The following MOV10L1 variants were observed in gnomAD, a reference collection of about 807,000 sequenced individuals.
MOV10L1 encodes the protein RNA helicase Mov10l1.
Under a neutral mutation model 143.8 loss-of-function variants are expected in MOV10L1, and 110 were observed. That is an observed-to-expected ratio of 0.76 (90% CI 0.66 to 0.90). MOV10L1 has a LOEUF of 0.90. Among genes scored for constraint, MOV10L1 ranks in the 40% least tolerant of loss-of-function variants. The pLI is 0.00. For synonymous variants in MOV10L1, 593 were observed against 581.1 expected, an observed-to-expected ratio of 1.02 and a Z score of -0.29; for missense variants, 1,406 against 1,526.8, an observed-to-expected ratio of 0.92 and a Z score of 1.32.
chr22:50,128,037 G>T (rs1201274891), intron 12 of MOV10L1, among the ~76,000 whole-genome samples: 1 of 152,260 alleles, frequency 6.6e-6, no homozygotes, highest in South Asian at 2.1e-4. Context: ...CTCCCAAAGT[G>T]CTGGGATTAC....
At chr22:50,103,960 A>G (rs2061807709) in intron 3 of MOV10L1, among the ~76,000 whole-genome samples, 1 of 152,164 alleles carries the variant, frequency 6.6e-6, no homozygotes, top group South Asian at 2.1e-4. Flanking sequence ...TTATAAGGAA[A>G]TAATTATACA....
chr22:50,098,838 G>A (rs912024382), intron 2 of MOV10L1, among the ~76,000 whole-genome samples: 1 of 152,158 alleles, frequency 6.6e-6, no homozygotes, highest in Non-Finnish European at 1.5e-5. Flanking sequence ...GTGTTGAAGA[G>A]ATTTCCTGCG....
Position 50,128,048 on chromosome 22 carries a change from A to G in MOV10L1, c.1819-368A>G, listed in dbSNP as rs1366372328. 2.6e-5 allele frequency among the ~76,000 whole-genome samples: 4 copies of G among 152,294 alleles called. No homozygotes were observed. The East Asian group carries it at 5.8e-4, about 22-fold the overall frequency. On this transcript the variant is annotated intron_variant, in intron 12 of 26. Coordinates refer to ENST00000262794, the MANE Select transcript of MOV10L1 (RefSeq NM_018995.3). Reference sequence around the variant, plus strand: ...TGGCCTCCCAAAGTGCTGGGATTACAGGTGTGAGCCACCGCACCCAGCAGA... The same window carrying G: ...TGGCCTCCCAAAGTGCTGGGATTACGGGTGTGAGCCACCGCACCCAGCAGA...
At chr22:50,108,000 T>C in intron 3 of MOV10L1, 136 bp from the exon 4 acceptor site, 1 of 716,178 alleles carries the variant, frequency 1.4e-6, no homozygotes. Flanking sequence ...AAAATATGTT[T>C]CTCACAGTAG....
At chr22:50,108,892 C>A in intron 5 of MOV10L1, 48 bp downstream of exon 5, 1 of 1,581,854 alleles carries the variant, frequency 6.3e-7, no homozygotes. Flanking sequence ...CGCCTGTAAT[C>A]CTAGCACTTT....
At chr22:50,110,435 T>C (rs925849776) in intron 5 of MOV10L1, among the ~76,000 whole-genome samples, 5 of 144,288 alleles carry the variant, frequency 3.5e-5, no homozygotes, top group Non-Finnish European at 7.6e-5. Flanking sequence ...CACAACAGAG[T>C]GACACTCCAT....
chr22:50,108,825 A>G lies in MOV10L1; in HGVS notation c.724A>G (p.Met242Val). 6.2e-7 allele frequency: 1 copy of G among 1,614,170 alleles called. No homozygotes were observed. The highest frequency in any genetic ancestry group is 8.5e-7 in the Non-Finnish European group (1 of 1,180,016). ...QSCYVWRALC[M>V]TLVKRRDAAP... ...ATGCTATGTCTGGAGGGCACTTTGTATGACCCTAGTGAAGAGGCGGTAAGA... is the reference window on the plus strand; with the variant it reads ...ATGCTATGTCTGGAGGGCACTTTGTGTGACCCTAGTGAAGAGGCGGTAAGA... The change falls in exon 5 of 27, where the codon ATG becomes GTG. Residue 242 changes from methionine (M) to valine (V), a missense_variant. Around this residue, in one of 3 missense-constraint regions of MOV10L1, gnomAD observed 1,233 missense variants for 1,351.4 expected, o/e 0.91. Coordinates refer to ENST00000262794, the MANE Select transcript of MOV10L1 (RefSeq NM_018995.3).
intron 3 of MOV10L1, among the ~76,000 whole-genome samples, chr22:50,102,542 G>A (rs1034244170): frequency 3.9e-5 from 6 of 152,204 alleles, no homozygotes; most frequent in African/African-American, 1.4e-4. Context: ...TGCTTGCTGT[G>A]CTAGACACTG....
chr22:50,135,536 A>T (rs563789409), intron 15 of MOV10L1, among the ~76,000 whole-genome samples: 1 of 151,850 alleles, frequency 6.6e-6, no homozygotes, highest in Non-Finnish European at 1.5e-5. Context: ...GCAGATCATG[A>T]GATCAGGAGT....
chr22:50,136,910 C>T (rs954737813), intron 15 of MOV10L1, among the ~76,000 whole-genome samples: 6 of 152,144 alleles, frequency 3.9e-5, no homozygotes, highest in East Asian at 1.9e-4. Flanking sequence ...AGAAAAACCT[C>T]GTAATTCACA....
intron 20 of MOV10L1, among the ~76,000 whole-genome samples, chr22:50,150,403 G>A (rs2063265780): frequency 6.6e-6 from 1 of 152,218 alleles, no homozygotes; most frequent in Admixed American, 6.5e-5. Context: ...GTGGGATGGC[G>A]GCCAGGGCCA....
Position 50,126,195 on chromosome 22 carries a change from T to A in MOV10L1, c.1748-7T>A. On this transcript the variant is annotated splice_region_variant and splice_polypyrimidine_tract_variant and intron_variant, in intron 11 of 26. Transcript: ENST00000262794. The stretch of plus-strand genomic sequence containing the variant: ...GCTTTAAACATGGTAATATATTTTT[T>A]AACTAGGTGATAAACTGATTTTAAA... 1.3e-6 allele frequency: 2 copies of A among 1,584,666 alleles called. No homozygotes were observed. Among genetic ancestry groups the A allele is most frequent in the South Asian group, 2.2e-5 (2 of 90,286 alleles).
At chr22:50,160,555 T>TG in intron 24 of MOV10L1, 133 bp from the exon 25 acceptor site, 1 of 1,201,324 alleles carries the variant, frequency 8.3e-7, no homozygotes, top group Non-Finnish European at 1.1e-6. Flanking sequence ...CCCGGCCTCC[T>TG]GTTTCTTTTT....
At chr22:50,134,974 A>G (rs2062782316) in intron 15 of MOV10L1, among the ~76,000 whole-genome samples, 1 of 152,052 alleles carries the variant, frequency 6.6e-6, no homozygotes, top group Non-Finnish European at 1.5e-5. Flanking sequence ...ACAGATGTTT[A>G]TATGACCTTA....
At chr22:50,146,801 G>A (rs1204393768) in intron 19 of MOV10L1, among the ~76,000 whole-genome samples, 2 of 152,264 alleles carry the variant, frequency 1.3e-5, no homozygotes, top group African/African-American at 2.4e-5. Flanking sequence ...TGGTTTCATC[G>A]GCGCGTTTAA....
chr22:50,090,399 T>G, intron 1 of MOV10L1: 1 of 1,563,418 alleles, frequency 6.4e-7, no homozygotes, highest in Non-Finnish European at 8.7e-7. Flanking sequence ...CTCTGTGAGG[T>G]CTCTCCGGTG....
In MOV10L1 at chr22:50,125,469, G is replaced by T; in HGVS notation, c.1647G>T (p.Leu549=). 1 of 1,614,180 alleles carries T rather than the reference G, an allele frequency of 6.2e-7. No homozygotes were observed. The highest frequency in any genetic ancestry group is 1.6e-4 in the Middle Eastern group (1 of 6,062). ...AGGAGATTTATGCAGAAATGGAACT[G>T]AAAGAGTATAACATGAGCGGGATCA... ...WLEEIYAEME[L]KEYNMSGIIL... Residue 549 remains leucine (L), a synonymous_variant, in exon 11 of 27, where the codon CTG becomes CTT. Transcript: ENST00000262794.
intron 22 of MOV10L1, among the ~76,000 whole-genome samples, chr22:50,154,274 A>G (rs187115228): frequency 3.3e-5 from 5 of 152,262 alleles, no homozygotes; most frequent in Admixed American, 6.5e-5. Context: ...AAAACACATT[A>G]GTGGCCAGGC....
rs370639406 is a variant in MOV10L1, at chr22:50,158,101, G to T, written c.3111G>T (p.Pro1037=). ...GAAAAAGCCCATCGTGGTTCAACCCGGCCGAGGCCGTCCAGGTCCTGCGCT... is the reference window on the plus strand; with the variant it reads ...GAAAAAGCCCATCGTGGTTCAACCCTGCCGAGGCCGTCCAGGTCCTGCGCT... ...REGKSPSWFN[P]AEAVQVLRYC... Residue 1037 remains proline, a synonymous_variant, in exon 23 of 27, where the codon CCG becomes CCT. Transcript: ENST00000262794. This position sits in a 1 kb window ranked among gnomAD's most constrained non-coding sequence, Gnocchi z 5.0. The T allele has an allele frequency of 3.1e-6, 5 of 1,614,020 alleles. No individual in the cohort carries two copies. In the Admixed American group the frequency reaches 8.3e-5, roughly 27 times the overall value.
Sources: gnomAD v4.1 joint callset for allele counts (sites outside exome capture counted in the v4.1 genomes callset) on GRCh38, gnomAD v4.1.1 for gene constraint, gnomAD v4.1.1 regional missense constraint, Gnocchi (gnomAD v3.1) non-coding constraint, MANE v1.5 for transcripts, NCBI Gene and HGNC (gene_info 2026-07-23, HGNC 2026-07-21) for gene names.